PPFIA4: variants seen among roughly 807,000 people sequenced by gnomAD.
PPFIA4 encodes liprin-alpha-4.
In PPFIA4, 98 loss-of-function variants were observed where a neutral mutation model predicts 145.7. That is an observed-to-expected ratio of 0.67 (90% CI 0.57 to 0.80). The LOEUF is 0.80. Among genes scored for constraint, PPFIA4 ranks in the 30% least tolerant of loss-of-function variants. The probability of loss-of-function intolerance (pLI) is 0.00; values close to 1 mark genes in which losing one functional copy is unlikely to be tolerated. For missense variants in PPFIA4, 1,457 were observed against 1,632.7 expected (o/e 0.89, Z 1.85); for synonymous variants, 628 against 649.6 (o/e 0.97, Z 0.51).
At chr1:203,061,601 G>A (rs1235714713) in intron 23 of PPFIA4, 51 bp from the exon 24 acceptor site, 14 of 1,536,736 alleles carry the variant, frequency 9.1e-6, no homozygotes, top group Non-Finnish European at 1.2e-5. Flanking sequence ...GAGCTGATGG[G>A]TTTCTTGACT....
At chr1:203,030,440 AG>A (rs995894214) in intron 1 of PPFIA4, among the ~76,000 whole-genome samples, 2 of 152,244 alleles carry the variant, frequency 1.3e-5, no homozygotes, top group African/African-American at 2.4e-5. Context: ...TGGGACATGC[AG>A]GGGGGTGACC....
At position 203,059,112 on chromosome 1, in the gene PPFIA4, C is replaced by A. The variant is rs143807592; in HGVS notation, c.2408-66C>A. 1,313 of 1,302,322 alleles carry A rather than the reference C, an allele frequency of 1.0e-3. 15 individuals carry two copies. In the African/African-American group the frequency reaches 0.017, roughly 17 times the overall value. The allele number at this position is 1,302,322 out of a possible 1,614,324, so 80.7% of individuals were successfully genotyped here. ...AGCCTCCTGCTGCTTCTGTTCCCCA[C>A]CCCTGATCCAGGCAAGGGAGGAGAG... is the stretch of plus-strand genomic sequence containing the variant. On this transcript the variant is annotated intron_variant, in intron 19 of 29. Transcript: ENST00000295706.
intron 25 of PPFIA4, among the ~76,000 whole-genome samples, chr1:203,065,341 G>A (rs1000341878): frequency 6.6e-6 from 1 of 151,982 alleles, no homozygotes; most frequent in Non-Finnish European, 1.5e-5. Flanking sequence ...AGCTAGGGCT[G>A]AAAAGGAATC....
chr1:203,031,230 A>T (rs138762373), intron 1 of PPFIA4, among the ~76,000 whole-genome samples: 1 of 151,924 alleles, frequency 6.6e-6, no homozygotes. Flanking sequence ...GCTAGTTTTC[A>T]TATTTTTAGT....
In PPFIA4 at chr1:203,043,340, C is replaced by G; in HGVS notation, c.235-57C>G. On this transcript the variant is annotated intron_variant, in intron 2 of 29. Transcript: ENST00000295706. This position sits in a 1 kb window ranked among gnomAD's most constrained non-coding sequence, Gnocchi z 4.4. Reference sequence around the variant, plus strand: ...GGATCCCACCACTGACTTGCATGTGCAGGACACTGCTTTGGGGGTGAATCC... The same window carrying G: ...GGATCCCACCACTGACTTGCATGTGGAGGACACTGCTTTGGGGGTGAATCC... 6.8e-7 allele frequency: 1 copy of G among 1,470,374 alleles called. No individual in the cohort carries two copies. The highest frequency in any genetic ancestry group is 9.3e-7 in the Non-Finnish European group (1 of 1,070,188). The allele number at this position is 1,470,374 out of a possible 1,614,324, so 91.1% of individuals were successfully genotyped here.
rs764871248 is a variant in PPFIA4 at position 203,060,437 on chromosome 1, C to A, written c.2784+20C>A. 12 of 1,609,454 alleles carry A rather than the reference C, an allele frequency of 7.5e-6. No homozygotes were observed. The African/African-American group carries it at 8.0e-5, about 11-fold the overall frequency. ...AGGACTGTGAGTGGCCCCTCCTTTG[C>A]CCAGGACATTTTCAGAGGTCCTGGA... On this transcript the variant is annotated intron_variant, in intron 22 of 29. Transcript: ENST00000295706. This position sits in a 1 kb window ranked among gnomAD's most constrained non-coding sequence, Gnocchi z 4.8.
In PPFIA4 at chr1:203,068,735, C is replaced by A; in HGVS notation, c.3324+107C>A. 8.4e-7 allele frequency: 1 copy of A among 1,189,464 alleles called. No homozygotes were observed. The highest frequency in any genetic ancestry group is 1.1e-6 in the Non-Finnish European group (1 of 891,108). The allele number at this position is 1,189,464 out of a possible 1,614,324, so 73.7% of individuals were successfully genotyped here. On this transcript the variant is annotated intron_variant, in intron 27 of 29. Transcript: ENST00000295706. The surrounding 1 kb of genome is among the most constrained non-coding windows in gnomAD (Gnocchi z 4.7). ...CTTAGGTATCTTGGGGGGTGGGGAG[C>A]TTTTCTAGGGCCTATGCCAGAGGGG...
chr1:203,075,471 G>A lies in PPFIA4; in HGVS notation c.3394-106G>A. 1 of 916,508 alleles carries A rather than the reference G, an allele frequency of 1.1e-6. No individual in the cohort carries two copies. The highest frequency in any genetic ancestry group is 1.5e-6 in the Non-Finnish European group (1 of 683,762). The allele number at this position is 916,508 out of a possible 1,614,324, so 56.8% of individuals were successfully genotyped here. A position where few individuals can be genotyped will look rare whatever the true frequency, so the allele number is the denominator to read the frequency against. The stretch of plus-strand genomic sequence containing the variant: ...CCTCGCTCCCTCTTTCCAAAGGGGT[G>A]GGAGTGGTGCCCCTTGAACCAGCAG... On this transcript the variant is annotated intron_variant, in intron 28 of 29. Transcript: ENST00000295706. This position sits in a 1 kb window ranked among gnomAD's most constrained non-coding sequence, Gnocchi z 4.1.
chr1:203,062,349 G>A (rs1175162491), intron 24 of PPFIA4, among the ~76,000 whole-genome samples: 2 of 151,224 alleles, frequency 1.3e-5, no homozygotes, highest in Non-Finnish European at 2.9e-5. Flanking sequence ...GCATGGTGGC[G>A]GGCGCCTGTA....
intron 13 of PPFIA4, among the ~76,000 whole-genome samples, chr1:203,050,719 C>T (rs1050609255): frequency 3.9e-5 from 6 of 152,014 alleles, no homozygotes; most frequent in East Asian, 1.9e-4. Context: ...TCTCCACGCT[C>T]GCCAGGAATT....
At chr1:203,034,508 G>C (rs756642948) in intron 1 of PPFIA4, 35 of 456,604 alleles carry the variant, frequency 7.7e-5, no homozygotes, top group African/African-American at 5.8e-4. Flanking sequence ...CAAGGACGAG[G>C]GCTCCGAAGA....
chr1:203,058,429 G>GTT (rs1371933968), intron 19 of PPFIA4, among the ~76,000 whole-genome samples: 1 of 152,150 alleles, frequency 6.6e-6, no homozygotes, highest in Non-Finnish European at 1.5e-5. Flanking sequence ...TGTGGAGCTG[G>GTT]CCACAGACAG....
At chr1:203,031,034 G>C (rs932143903) in intron 1 of PPFIA4, among the ~76,000 whole-genome samples, 6 of 152,004 alleles carry the variant, frequency 3.9e-5, no homozygotes, top group African/African-American at 1.5e-4. Context: ...TTTATACACA[G>C]ACATACATAC....
chr1:203,036,600 G>T (rs11586088), intron 1 of PPFIA4, among the ~76,000 whole-genome samples: 10 of 152,014 alleles, frequency 6.6e-5, no homozygotes, highest in African/African-American at 1.2e-4. Flanking sequence ...TGAGCTTGGG[G>T]GGGTAGGCTG....
intron 28 of PPFIA4, among the ~76,000 whole-genome samples, chr1:203,074,497 T>C (rs1276603680): frequency 6.6e-6 from 1 of 152,082 alleles, no homozygotes; most frequent in Non-Finnish European, 1.5e-5. Context: ...CATAAATATA[T>C]ATAAAAATGC....
Position 203,055,781 on chromosome 1 carries a change from C to T in PPFIA4, c.2070+109C>T. On this transcript the variant is annotated intron_variant, in intron 16 of 29. Transcript: ENST00000295706. The surrounding 1 kb of genome is among the most constrained non-coding windows in gnomAD (Gnocchi z 4.8). ...CTCAGCTGGGCCTGCCATCTTCTTC[C>T]CATGGTGTGTGCAGACCCCGACATG... 6.6e-7 allele frequency: 1 copy of T among 1,521,670 alleles called. No individual in the cohort carries two copies. Among genetic ancestry groups the T allele is most frequent in the Admixed American group, 1.7e-5 (1 of 57,372 alleles). The allele number at this position is 1,521,670 out of a possible 1,614,324, so 94.3% of individuals were successfully genotyped here. A position where few individuals can be genotyped will look rare whatever the true frequency, so the allele number is the denominator to read the frequency against.
In PPFIA4 at chr1:203,068,694, C is replaced by T. The variant is rs1026032095; in HGVS notation, c.3324+66C>T. On this transcript the variant is annotated intron_variant, in intron 27 of 29. Transcript: ENST00000295706. This position sits in a 1 kb window ranked among gnomAD's most constrained non-coding sequence, Gnocchi z 4.7. ...TATCCCTCACTTGCTCTCTTTCTTT[C>T]CCTCATACACAAAGGCTTAGGTATC... 1 of 1,384,954 alleles carries T rather than the reference C, an allele frequency of 7.2e-7. No homozygotes were observed. Among genetic ancestry groups the T allele is most frequent in the African/African-American group, 1.5e-5 (1 of 66,214 alleles). 85.8% of individuals were successfully genotyped at this position (1,384,954 alleles called of 1,614,324 possible).
At chr1:203,062,684 A>T (rs1275678332) in intron 24 of PPFIA4, among the ~76,000 whole-genome samples, 2 of 151,946 alleles carry the variant, frequency 1.3e-5, no homozygotes, top group African/African-American at 4.8e-5. Context: ...GTCGGGGGGG[A>T]TCCGAGCCAT....
chr1:203,057,451 A>T (rs1021434602), intron 19 of PPFIA4, among the ~76,000 whole-genome samples: 11 of 152,212 alleles, frequency 7.2e-5, no homozygotes, highest in Non-Finnish European at 1.6e-4. Flanking sequence ...TGGCATCGTT[A>T]TCACCTCTGT....
Sources: gnomAD v4.1 joint callset for allele counts (sites outside exome capture counted in the v4.1 genomes callset) on GRCh38, gnomAD v4.1.1 for gene constraint, Gnocchi (gnomAD v3.1) non-coding constraint, MANE v1.5 for transcripts, NCBI Gene and HGNC (gene_info 2026-07-23, HGNC 2026-07-21) for gene names.